DPYSL3: variants seen among roughly 807,000 people sequenced by gnomAD.
The protein encoded by DPYSL3 is dihydropyrimidinase like 3, also known as dihydropyrimidinase-related protein 3.
A neutral mutation model predicts 66.1 loss-of-function variants in DPYSL3; 16 were observed. The observed-to-expected ratio is 0.24, with a 90% confidence interval of 0.16 to 0.37. The LOEUF is 0.37. Among genes scored for constraint, DPYSL3 ranks in the 10% least tolerant of loss-of-function variants. The probability of loss-of-function intolerance (pLI) is 1.00; values close to 1 mark genes in which losing one functional copy is unlikely to be tolerated. For missense variants in DPYSL3, 738 were observed against 916.2 expected (o/e 0.81, Z 2.51); for synonymous variants, 338 against 345.1 (o/e 0.98, Z 0.23).
At position 147,392,243 on chromosome 5, in the gene DPYSL3, A is replaced by G. The variant is rs1032219554; in HGVS notation, c.*1792T>C. On this transcript the variant is annotated 3_prime_UTR_variant, in exon 14 of 14. Coordinates refer to ENST00000343218, the MANE Select transcript of DPYSL3 (RefSeq NM_001197294.2). ...TCCCTTAAAAGAAAAGCACTACAAG[A>G]GCTTTAAAATAGCAAGCTTCCCTAT... 3.3e-5 allele frequency: 5 copies of G among 152,200 alleles called. No homozygotes were observed. The highest frequency in any genetic ancestry group is 1.2e-4 in the African/African-American group (5 of 41,440). The allele number at this position is 152,200 out of a possible 1,614,324, so 9.4% of individuals were successfully genotyped here.
chr5:147,498,343 G>A (rs1415384749), intron 1 of DPYSL3, among the ~76,000 whole-genome samples: 3 of 152,260 alleles, frequency 2.0e-5, no homozygotes, highest in African/African-American at 4.8e-5. Context: ...TATCAGTGAA[G>A]GGCATTTAGG....
Position 147,393,013 on chromosome 5 carries a change from A to C in DPYSL3, c.*1022T>G, listed in dbSNP as rs952024911. 8 of 152,236 alleles carry C rather than the reference A, an allele frequency of 5.3e-5. No individual in the cohort carries two copies. Among genetic ancestry groups the C allele is most frequent in the African/African-American group, 1.9e-4 (8 of 41,458 alleles). 9.4% of individuals were successfully genotyped at this position (152,236 alleles called of 1,614,324 possible). A position where few individuals can be genotyped will look rare whatever the true frequency, so the allele number is the denominator to read the frequency against. On this transcript the variant is annotated 3_prime_UTR_variant, in exon 14 of 14. Transcript: ENST00000343218. The stretch of plus-strand genomic sequence containing the variant: ...TGCCAGGATCGAGAGAATCAAACAC[A>C]AACTGCCTGTAAGAGAGGCCCTTCA...
chr5:147,492,506 G>A (rs551257898), intron 1 of DPYSL3, among the ~76,000 whole-genome samples: 1 of 152,166 alleles, frequency 6.6e-6, no homozygotes, highest in South Asian at 2.1e-4. Context: ...TGAAATAAAT[G>A]AAAGTGATGA....
At chr5:147,423,709 G>A (rs1251268092) in intron 2 of DPYSL3, among the ~76,000 whole-genome samples, 3 of 151,912 alleles carry the variant, frequency 2.0e-5, no homozygotes, top group African/African-American at 7.3e-5. Context: ...TTGTTTGTTT[G>A]TTTGTTTGTT....
rs1029141388 is a variant in DPYSL3 at position 147,402,570 on chromosome 5, A to C, written c.1154-874T>G. 1.5e-5 allele frequency among the ~76,000 whole-genome samples: 2 copies of C among 136,202 alleles called. 1 individual carries two copies. Among genetic ancestry groups the C allele is most frequent in the African/African-American group, 7.3e-5 (2 of 27,248 alleles). The allele number at this position is 136,202 out of a possible 152,430, so 89.4% of individuals were successfully genotyped here. ...CACCGTGTTAGCCAGGATGGTCTTG[A>C]TCTCCTGACCTCGTGATCCGCCCGC... is the stretch of plus-strand genomic sequence containing the variant. On this transcript the variant is annotated intron_variant, in intron 8 of 13. Coordinates refer to ENST00000343218, the MANE Select transcript of DPYSL3 (RefSeq NM_001197294.2).
At chr5:147,452,143 G>A (rs1752741453) in intron 1 of DPYSL3, among the ~76,000 whole-genome samples, 1 of 152,174 alleles carries the variant, frequency 6.6e-6, no homozygotes, top group African/African-American at 2.4e-5. Flanking sequence ...AAAAGGTATG[G>A]TGCGGCAAAA....
intron 1 of DPYSL3, among the ~76,000 whole-genome samples, chr5:147,482,398 C>G (rs1055274856): frequency 4.6e-5 from 7 of 152,178 alleles, no homozygotes; most frequent in Middle Eastern, 3.2e-3. Context: ...GACACCAAAT[C>G]CCATGGCCAT....
intron 5 of DPYSL3, among the ~76,000 whole-genome samples, chr5:147,413,015 ATTC>A (rs1328224726): frequency 6.6e-6 from 1 of 152,208 alleles, no homozygotes; most frequent in Non-Finnish European, 1.5e-5. Context: ...CAGTCTCAGA[ATTC>A]TTCTCAACAA....
intron 1 of DPYSL3, among the ~76,000 whole-genome samples, chr5:147,456,791 A>C (rs1057151796): frequency 6.6e-6 from 1 of 151,726 alleles, no homozygotes; most frequent in Non-Finnish European, 1.5e-5. Context: ...GGGTTTCACC[A>C]TGTTGGCCAT....
At chr5:147,412,480 G>C in intron 6 of DPYSL3, 128 bp downstream of exon 6, 1 of 874,068 alleles carries the variant, frequency 1.1e-6, no homozygotes, top group South Asian at 1.6e-5. Context: ...CTTGGAGCAG[G>C]TTCTGTCTTT....
intron 6 of DPYSL3, among the ~76,000 whole-genome samples, chr5:147,412,100 G>A (rs562252140): frequency 3.2e-4 from 48 of 152,128 alleles, no homozygotes; most frequent in South Asian, 6.2e-4. Flanking sequence ...CCTCACTTTC[G>A]TCACTCTTTC....
chr5:147,491,828 T>C (rs1753420237), intron 1 of DPYSL3, among the ~76,000 whole-genome samples: 1 of 150,630 alleles, frequency 6.6e-6, no homozygotes. Context: ...GTAAAATGAA[T>C]AATGAAAATA....
chr5:147,476,162 G>A (rs1370653319), intron 1 of DPYSL3, among the ~76,000 whole-genome samples: 1 of 152,022 alleles, frequency 6.6e-6, no homozygotes, highest in Non-Finnish European at 1.5e-5. Context: ...ACTCGATTAT[G>A]AAATTCAAAA....
chr5:147,415,568 T>C (rs1278267202), intron 4 of DPYSL3, 141 bp downstream of exon 4: 1 of 988,932 alleles, frequency 1.0e-6, no homozygotes, highest in South Asian at 1.6e-5. Flanking sequence ...GCCTGGAACA[T>C]TGTGTTATCC....
At chr5:147,397,357 G>A (rs1411866055) in intron 12 of DPYSL3, among the ~76,000 whole-genome samples, 1 of 151,162 alleles carries the variant, frequency 6.6e-6, no homozygotes, top group Non-Finnish European at 1.5e-5. Flanking sequence ...CAGACTTGAA[G>A]AGTCATTTAT....
intron 1 of DPYSL3, among the ~76,000 whole-genome samples, chr5:147,501,392 CT>C (rs1321744341): frequency 6.6e-6 from 1 of 150,518 alleles, no homozygotes; most frequent in African/African-American, 2.4e-5. Flanking sequence ...ATGGTAGATA[CT>C]TGTCATTGTA....
At chr5:147,446,097 C>G (rs1561791308) in intron 1 of DPYSL3, among the ~76,000 whole-genome samples, 1 of 152,210 alleles carries the variant, frequency 6.6e-6, no homozygotes, top group Admixed American at 6.5e-5. Context: ...TCTCTTTTCC[C>G]TCACAGGAAG....
chr5:147,432,195 G>A (rs1180928524), intron 1 of DPYSL3, among the ~76,000 whole-genome samples: 1 of 152,138 alleles, frequency 6.6e-6, no homozygotes, highest in Non-Finnish European at 1.5e-5. Flanking sequence ...CCTTCAAAAT[G>A]CAACCCACGA....
At chr5:147,460,889 A>G (rs1160783717) in intron 1 of DPYSL3, among the ~76,000 whole-genome samples, 1 of 152,246 alleles carries the variant, frequency 6.6e-6, no homozygotes, top group Non-Finnish European at 1.5e-5. Context: ...CTTGACTCCC[A>G]CACAAGTACC....
Sources: gnomAD v4.1 joint callset for allele counts (sites outside exome capture counted in the v4.1 genomes callset) on GRCh38, gnomAD v4.1.1 for gene constraint, MANE v1.5 for transcripts, NCBI Gene and HGNC (gene_info 2026-07-23, HGNC 2026-07-21) for gene names.